The following LRBA variants were observed in gnomAD, a reference collection of about 807,000 sequenced individuals.
LRBA encodes the protein LPS responsive beige-like anchor protein.
LRBA carries 176 observed loss-of-function variants against 330.0 expected under a neutral mutation model. The ratio of observed to expected loss-of-function variants is 0.53; its 90% CI spans 0.47 to 0.60. LRBA has a LOEUF of 0.60. Ranked by LOEUF, LRBA falls within the 20% of genes least tolerant of loss-of-function variation. LRBA has a pLI of 0.00. For synonymous variants in LRBA, 1,230 were observed against 1,193.0 expected (o/e 1.03, Z -0.64); for missense variants, 3,259 against 3,444.8 (o/e 0.95, Z 1.35).
intron 37 of LRBA, among the ~76,000 whole-genome samples, chr4:150,627,646 A>G (rs974206457): frequency 4.4e-4 from 67 of 152,022 alleles, no homozygotes; most frequent in African/African-American, 1.6e-3. Context: ...TTCTTGTTGC[A>G]ACAAATTATG....
chr4:150,685,409 TATATATATATA>T (rs1363192836), intron 36 of LRBA, among the ~76,000 whole-genome samples: 7 of 18,258 alleles, frequency 3.8e-4, no homozygotes, highest in African/African-American at 1.1e-3. Context: ...TATATATATA[TATATATATATA>T]TTTTTTTTTT....
intron 30 of LRBA, among the ~76,000 whole-genome samples, chr4:150,817,874 A>G (rs929500358): frequency 6.6e-6 from 1 of 152,102 alleles, no homozygotes; most frequent in Non-Finnish European, 1.5e-5. Flanking sequence ...TATACCAAAC[A>G]GTAAGTAAAA....
chr4:151,009,028 A>ATAT lies in LRBA; in HGVS notation c.216+5398_216+5399insATA, dbSNP rs1162834506. 5.5e-3 allele frequency among the ~76,000 whole-genome samples: 68 copies of ATAT among 12,314 alleles called. 16 individuals carry two copies. Among genetic ancestry groups the ATAT allele is most frequent in the African/African-American group, 0.02 (57 of 2,856 alleles). The allele number at this position is 12,314 out of a possible 152,430, so 8.1% of individuals were successfully genotyped here. A position where few individuals can be genotyped will look rare whatever the true frequency, so the allele number is the denominator to read the frequency against. ...ATATATATATATATATATATATATA[A>ATAT]AATGGTATTTTTTTTTCTTATACAG... On this transcript the variant is annotated intron_variant, in intron 2 of 56. Coordinates refer to ENST00000651943, the MANE Select transcript of LRBA (RefSeq NM_001364905.1).
At chr4:150,463,820 C>T (rs938590033) in intron 44 of LRBA, among the ~76,000 whole-genome samples, 2 of 151,830 alleles carry the variant, frequency 1.3e-5, no homozygotes, top group African/African-American at 2.4e-5. Flanking sequence ...AAAAATCATA[C>T]AGCCTACATA....
At chr4:150,620,680 T>C (rs111851502) in intron 37 of LRBA, among the ~76,000 whole-genome samples, 10,232 of 152,232 alleles carry the variant, frequency 0.067, 582 homozygotes, top group East Asian at 0.18. Context: ...GTGTAGGCCA[T>C]TATTCTAAGA....
intron 37 of LRBA, among the ~76,000 whole-genome samples, chr4:150,629,830 G>T: frequency 6.6e-6 from 1 of 151,902 alleles, no homozygotes. Context: ...AATTAGCTAC[G>T]CATGGTGGTG....
chr4:150,338,720 G>C (rs2127000897), intron 48 of LRBA, among the ~76,000 whole-genome samples: 1 of 152,200 alleles, frequency 6.6e-6, no homozygotes, highest in East Asian at 1.9e-4. Context: ...TAGAATTTCA[G>C]GCATTAGGAA....
At chr4:150,850,680 GA>G in intron 24 of LRBA, 43 bp downstream of exon 24, 7 of 1,178,574 alleles carry the variant, frequency 5.9e-6, no homozygotes, top group Non-Finnish European at 7.1e-6. Flanking sequence ...TGAAAATAAA[GA>G]CTAGGTTTAT....
chr4:150,995,844 T>G (rs967595177), intron 2 of LRBA, among the ~76,000 whole-genome samples: 1 of 152,142 alleles, frequency 6.6e-6, no homozygotes, highest in Non-Finnish European at 1.5e-5. Flanking sequence ...AAATAATAAT[T>G]TCTTCTTTAC....
At chr4:150,880,706 A>G (rs1028509634) in intron 17 of LRBA, among the ~76,000 whole-genome samples, 4 of 152,186 alleles carry the variant, frequency 2.6e-5, no homozygotes, top group African/African-American at 9.6e-5. Context: ...GTGGGACCCA[A>G]TTAAACTAAG....
intron 44 of LRBA, among the ~76,000 whole-genome samples, chr4:150,463,111 G>A (rs928030201): frequency 6.6e-6 from 1 of 151,940 alleles, no homozygotes; most frequent in Non-Finnish European, 1.5e-5. Context: ...ACTAAATGCA[G>A]TTGATTCCAA....
chr4:150,645,127 A>C (rs1779005684), intron 37 of LRBA, among the ~76,000 whole-genome samples: 1 of 148,550 alleles, frequency 6.7e-6, no homozygotes. Context: ...TTTTCTTGAG[A>C]TCCTGTCTCA....
intron 36 of LRBA, among the ~76,000 whole-genome samples, chr4:150,703,800 G>T (rs184860570): frequency 6.6e-6 from 1 of 151,526 alleles, no homozygotes; most frequent in Non-Finnish European, 1.5e-5. Flanking sequence ...CATGTAAAAT[G>T]TGTTATATTT....
chr4:150,863,534 C>A (rs983614379), intron 22 of LRBA, among the ~76,000 whole-genome samples: 4 of 152,000 alleles, frequency 2.6e-5, no homozygotes, highest in Non-Finnish European at 5.9e-5. Context: ...CAGTGGCAGG[C>A]AACTGTAATC....
chr4:150,457,220 T>C (rs1450601961), intron 44 of LRBA, among the ~76,000 whole-genome samples: 5 of 152,114 alleles, frequency 3.3e-5, no homozygotes, highest in Admixed American at 3.3e-4. Flanking sequence ...TTTAAAAAAT[T>C]CCTTTTCTGA....
chr4:150,616,073 T>C (rs1420375955), intron 37 of LRBA, among the ~76,000 whole-genome samples: 1 of 152,204 alleles, frequency 6.6e-6, no homozygotes, highest in Non-Finnish European at 1.5e-5. Context: ...ATTTGGAATC[T>C]ATCCACTAAA....
intron 40 of LRBA, among the ~76,000 whole-genome samples, chr4:150,538,491 G>A (rs780855419): frequency 4.6e-5 from 7 of 152,150 alleles, no homozygotes; most frequent in Non-Finnish European, 8.8e-5. Flanking sequence ...TTGCAGCAAC[G>A]TGCATGCAGC....
intron 37 of LRBA, among the ~76,000 whole-genome samples, chr4:150,636,647 C>G (rs531056944): frequency 1.2e-4 from 19 of 152,260 alleles, no homozygotes; most frequent in African/African-American, 4.6e-4. Flanking sequence ...ATATATCCAG[C>G]TGGGCACGAT....
chr4:150,831,516 C>G (rs1747179580), intron 29 of LRBA, among the ~76,000 whole-genome samples: 3 of 152,108 alleles, frequency 2.0e-5, no homozygotes, highest in African/African-American at 7.2e-5. Flanking sequence ...AAGTCTGTCT[C>G]TTAGAATATG....
Sources: allele counts gnomAD v4.1 joint callset (sites outside exome capture counted in the v4.1 genomes callset), GRCh38; gene constraint gnomAD v4.1.1; transcripts MANE v1.5; gene names NCBI Gene and HGNC (gene_info 2026-07-23, HGNC 2026-07-21).